Variants in SLC44A1 observed in about 807,000 individuals in gnomAD.
SLC44A1 encodes choline transporter-like protein 1.
A neutral mutation model predicts 79.3 loss-of-function variants in SLC44A1; 26 were observed. That is an observed-to-expected ratio of 0.33 (90% confidence interval 0.24 to 0.46). SLC44A1 has a LOEUF of 0.46. SLC44A1 is among the 20% of genes least tolerant of loss of function. SLC44A1 has a pLI of 1.00. For synonymous variants in SLC44A1, 263 were observed against 286.2 expected (o/e 0.92, Z 0.82); for missense variants, 688 against 798.1 (o/e 0.86, Z 1.66).
At chr9:105,428,528 G>A (rs1202133993) in intron 15 of SLC44A1, among the ~76,000 whole-genome samples, 2 of 152,214 alleles carry the variant, frequency 1.3e-5, no homozygotes, top group African/African-American at 4.8e-5. Context: ...TCCTGGGCAA[G>A]TTACTTAGCC....
intron 1 of SLC44A1, among the ~76,000 whole-genome samples, chr9:105,275,640 C>G (rs1830180804): frequency 6.6e-6 from 1 of 152,070 alleles, no homozygotes; most frequent in South Asian, 2.1e-4. Flanking sequence ...GAGGATTGGT[C>G]AGCTTATGAA....
chr9:105,434,289 C>T (rs1418430626), intron 15 of SLC44A1, among the ~76,000 whole-genome samples: 2 of 151,570 alleles, frequency 1.3e-5, no homozygotes, highest in East Asian at 1.9e-4. Context: ...TGCAGTGAGC[C>T]GAGACTGCAC....
chr9:105,367,753 C>A (rs568373798), intron 12 of SLC44A1, among the ~76,000 whole-genome samples: 1 of 152,240 alleles, frequency 6.6e-6, no homozygotes, highest in East Asian at 1.9e-4. Flanking sequence ...CTCCAAGAAG[C>A]CATCCCTCTT....
chr9:105,285,820 C>G (rs935704714), intron 1 of SLC44A1, among the ~76,000 whole-genome samples: 1 of 152,182 alleles, frequency 6.6e-6, no homozygotes, highest in Non-Finnish European at 1.5e-5. Context: ...TTTTGTGGAT[C>G]TTCAGTTGCT....
At chr9:105,319,546 A>G (rs144470810) in intron 3 of SLC44A1, among the ~76,000 whole-genome samples, 1 of 152,210 alleles carries the variant, frequency 6.6e-6, no homozygotes, top group African/African-American at 2.4e-5. Flanking sequence ...CCTCTGGTCA[A>G]TTTGATACCA....
At chr9:105,253,520 G>A (rs1829634882) in intron 1 of SLC44A1, among the ~76,000 whole-genome samples, 1 of 152,162 alleles carries the variant, frequency 6.6e-6, no homozygotes, top group Non-Finnish European at 1.5e-5. Context: ...TTGAAGCCAG[G>A]AGTTCTAGAC....
chr9:105,377,143 G>A (rs925562759), intron 13 of SLC44A1, among the ~76,000 whole-genome samples: 8 of 152,108 alleles, frequency 5.3e-5, no homozygotes, highest in African/African-American at 1.9e-4. Flanking sequence ...ACAATCTGAT[G>A]CCTAACAATA....
chr9:105,362,212 A>G (rs1048414269), intron 8 of SLC44A1, among the ~76,000 whole-genome samples: 1 of 152,196 alleles, frequency 6.6e-6, no homozygotes, highest in African/African-American at 2.4e-5. Context: ...AAATCAGTCT[A>G]CTTCTAAGAG....
At position 105,348,324 on chromosome 9, in the gene SLC44A1, G is replaced by A. The variant is rs372489597; in HGVS notation, c.407-34G>A. The A allele has an allele frequency of 1.2e-5, 14 of 1,194,426 alleles. No homozygotes were observed. The African/African-American group carries it at 2.0e-4, about 17-fold the overall frequency. 74.0% of individuals were successfully genotyped at this position (1,194,426 alleles called of 1,614,324 possible). A position where few individuals can be genotyped will look rare whatever the true frequency, so the allele number is the denominator to read the frequency against. ...AATAGTAAGAGAATTTTTTCAGACTGTTCTGCCACCTAACATAATTTTTCT... is the reference window on the plus strand; with the variant it reads ...AATAGTAAGAGAATTTTTTCAGACTATTCTGCCACCTAACATAATTTTTCT... On this transcript the variant is annotated intron_variant, in intron 4 of 15. Transcript: ENST00000374720.
chr9:105,255,680 G>A (rs995090218), intron 1 of SLC44A1, among the ~76,000 whole-genome samples: 1 of 152,114 alleles, frequency 6.6e-6, no homozygotes, highest in Non-Finnish European at 1.5e-5. Context: ...TCTCTAAACA[G>A]CTGTTAGAAT....
intron 2 of SLC44A1, among the ~76,000 whole-genome samples, chr9:105,306,309 T>A (rs1831029579): frequency 6.6e-6 from 1 of 152,376 alleles, no homozygotes; most frequent in Non-Finnish European, 1.5e-5. Context: ...GCTGAACCAT[T>A]AAATTATGGA....
chr9:105,317,711 G>A (rs1831364540), intron 3 of SLC44A1, among the ~76,000 whole-genome samples: 2 of 152,158 alleles, frequency 1.3e-5, no homozygotes, highest in African/African-American at 4.8e-5. Context: ...GGCACACACA[G>A]GAAGGTGCTC....
At chr9:105,292,160 T>C (rs550323413) in intron 1 of SLC44A1, among the ~76,000 whole-genome samples, 1 of 152,304 alleles carries the variant, frequency 6.6e-6, no homozygotes, top group African/African-American at 2.4e-5. Context: ...TCTGGCTTAG[T>C]CTGGGGGAAT....
At chr9:105,433,681 A>G (rs1829428454) in intron 15 of SLC44A1, among the ~76,000 whole-genome samples, 1 of 136,810 alleles carries the variant, frequency 7.3e-6, no homozygotes, top group Non-Finnish European at 1.5e-5. Flanking sequence ...TCTCACAACC[A>G]GGCCTTTACC....
At chr9:105,405,637 C>A (rs1588872333) in intron 15 of SLC44A1, among the ~76,000 whole-genome samples, 1 of 151,996 alleles carries the variant, frequency 6.6e-6, no homozygotes, top group East Asian at 1.9e-4. Flanking sequence ...TGTGGTTAGA[C>A]CTTGTTCTCA....
rs768215792 is a variant in SLC44A1, at chr9:105,356,198, T to TC, written c.501-13dup. 1.2e-6 allele frequency: 2 copies of TC among 1,602,528 alleles called. No individual in the cohort carries two copies. The highest frequency in any genetic ancestry group is 2.7e-5 in the African/African-American group (2 of 73,934). On this transcript the variant is annotated splice_polypyrimidine_tract_variant and intron_variant, in intron 5 of 15. Coordinates refer to ENST00000374720, the MANE Select transcript of SLC44A1 (RefSeq NM_080546.5). ...AGTAATTTTTTTTCTGATTTTTTTT[T>TC]CTTGTGTCACCAGTGCACCTATTCC... is the stretch of plus-strand genomic sequence containing the variant.
At chr9:105,422,259 A>C (rs1242764577) in intron 15 of SLC44A1, among the ~76,000 whole-genome samples, 1 of 139,062 alleles carries the variant, frequency 7.2e-6, no homozygotes, top group Non-Finnish European at 1.5e-5. Context: ...TCCTGCCCTG[A>C]CCTTGGGCCT....
At chr9:105,433,613 C>T (rs1829426901) in intron 15 of SLC44A1, among the ~76,000 whole-genome samples, 1 of 150,198 alleles carries the variant, frequency 6.7e-6, no homozygotes, top group African/African-American at 2.5e-5. Flanking sequence ...GCCCCTGCCA[C>T]CCCACTCCCC....
intron 1 of SLC44A1, among the ~76,000 whole-genome samples, chr9:105,275,879 A>G (rs1385677018): frequency 6.0e-5 from 9 of 149,028 alleles, no homozygotes. Context: ...ATCTCAGCTC[A>G]CTGCAATCTC....
Sources: allele counts gnomAD v4.1 joint callset (sites outside exome capture counted in the v4.1 genomes callset), GRCh38; gene constraint gnomAD v4.1.1; transcripts MANE v1.5; gene names NCBI Gene and HGNC (gene_info 2026-07-23, HGNC 2026-07-21).